The following PLS1 variants were observed in gnomAD, a reference collection of about 807,000 sequenced individuals.
PLS1 encodes plastin-1.
Under a neutral mutation model 73.7 loss-of-function variants are expected in PLS1, and 32 were observed. That is an observed-to-expected ratio of 0.43 (90% CI 0.33 to 0.58). PLS1 has a LOEUF of 0.58. Ranked by LOEUF, PLS1 falls within the 20% of genes least tolerant of loss-of-function variation. PLS1 has a pLI of 0.04. For missense variants in PLS1, 633 were observed against 740.5 expected, an observed-to-expected ratio of 0.85 and a Z score of 1.68; for synonymous variants, 217 against 261.3, an observed-to-expected ratio of 0.83 and a Z score of 1.63.
At chr3:142,678,352 A>G (rs907446379) in intron 6 of PLS1, among the ~76,000 whole-genome samples, 15 of 150,126 alleles carry the variant, frequency 1.0e-4, no homozygotes, top group Non-Finnish European at 1.9e-4. Context: ...TACATGTGCC[A>G]TGCTGGTGTG....
At chr3:142,645,774 C>T (rs2036940510) in intron 1 of PLS1, among the ~76,000 whole-genome samples, 1 of 152,092 alleles carries the variant, frequency 6.6e-6, no homozygotes, top group African/African-American at 2.4e-5. Context: ...GAACAAGGTA[C>T]TTTTTCAGAG....
chr3:142,712,006 A>C lies in PLS1; in HGVS notation c.1889A>C (p.Ter630SerextTer81). The C allele has an allele frequency of 1.2e-6, 2 of 1,612,324 alleles. No individual in the cohort carries two copies. Among genetic ancestry groups the C allele is most frequent in the Middle Eastern group, 1.7e-4 (1 of 6,060 alleles). ...LMGKGLNRIK[*>S] Reference sequence around the variant, plus strand: ...GGAAAAGGACTGAACAGAATAAAATAATCATTTCATATGATTTTCTGCCAC... The same window carrying C: ...GGAAAAGGACTGAACAGAATAAAATCATCATTTCATATGATTTTCTGCCAC... Residue 630 changes from the stop codon to serine, a stop_lost, in exon 16 of 16, where the codon TAA becomes TCA. Transcript: ENST00000457734.
intron 1 of PLS1, among the ~76,000 whole-genome samples, chr3:142,612,566 G>A (rs1319445987): frequency 6.6e-6 from 1 of 152,012 alleles, no homozygotes; most frequent in Non-Finnish European, 1.5e-5. Flanking sequence ...AAACACAACT[G>A]AAAGATTCCT....
At chr3:142,634,487 A>G (rs947806018) in intron 1 of PLS1, among the ~76,000 whole-genome samples, 4 of 152,222 alleles carry the variant, frequency 2.6e-5, no homozygotes, top group South Asian at 2.1e-4. Flanking sequence ...CTTGTATTCA[A>G]TTGAAGTCTT....
At chr3:142,665,658 C>T (rs1343168154) in intron 2 of PLS1, among the ~76,000 whole-genome samples, 1 of 151,960 alleles carries the variant, frequency 6.6e-6, no homozygotes, top group Non-Finnish European at 1.5e-5. Context: ...AAAGTTCTAC[C>T]CAGGTCTTGG....
intron 10 of PLS1, among the ~76,000 whole-genome samples, chr3:142,693,422 A>C (rs889157529): frequency 1.3e-5 from 2 of 152,200 alleles, no homozygotes; most frequent in African/African-American, 4.8e-5. Context: ...TTATGTGCCA[A>C]ATTGTCCTGT....
chr3:142,683,329 G>A (rs2049329), intron 6 of PLS1, among the ~76,000 whole-genome samples: 19,555 of 152,118 alleles, frequency 0.13, 1,266 homozygotes, highest in African/African-American at 0.16. Context: ...ATGGTGAAAC[G>A]CCATCTCTAC....
chr3:142,649,335 C>CA (rs3055060), intron 1 of PLS1, among the ~76,000 whole-genome samples: 4,907 of 93,436 alleles, frequency 0.053, 414 homozygotes, highest in African/African-American at 0.16. Context: ...GACCCTATGT[C>CA]AAAAAAAAAA....
intron 4 of PLS1, chr3:142,673,452 A>G (rs1262727952): frequency 6.6e-6 from 1 of 152,218 alleles, no homozygotes; most frequent in East Asian, 1.9e-4. Context: ...AAATAATGCT[A>G]TATGAACACT....
intron 1 of PLS1, among the ~76,000 whole-genome samples, chr3:142,662,812 C>T (rs2037399456): frequency 6.6e-6 from 1 of 152,096 alleles, no homozygotes; most frequent in African/African-American, 2.4e-5. Context: ...TGATGAACAA[C>T]ATGAAAACAT....
At chr3:142,605,098 G>C (rs957810157) in intron 1 of PLS1, among the ~76,000 whole-genome samples, 1 of 152,148 alleles carries the variant, frequency 6.6e-6, no homozygotes, top group African/African-American at 2.4e-5. Flanking sequence ...GTCAAAGTCT[G>C]TGATTCTGTT....
In PLS1 at chr3:142,672,776, A is replaced by G. The variant is rs34046178; in HGVS notation, c.364+1654A>G. Among the ~76,000 whole-genome samples, 1,436 of 152,348 alleles carry G rather than the reference A, an allele frequency of 9.4e-3. 10 individuals carry two copies. Among genetic ancestry groups the G allele is most frequent in the Admixed American group, 0.016 (251 of 15,310 alleles). On this transcript the variant is annotated intron_variant, in intron 4 of 15. Transcript: ENST00000457734. ...AAAAATAGCAGCTTTATTGAGATAT[A>G]ATTGACATACCATGGAATACATTTT... is the stretch of plus-strand genomic sequence containing the variant.
chr3:142,630,433 A>C lies in PLS1; in HGVS notation c.-36-33769A>C, dbSNP rs1339016263. ...GAGACCCTGCCTCAAAAAAAAAAAA[A>C]AAAAAAACAAACAAAACACTCTGAA... On this transcript the variant is annotated intron_variant, in intron 1 of 15. Transcript: ENST00000457734. 2.0e-3 allele frequency among the ~76,000 whole-genome samples: 296 copies of C among 150,948 alleles called. 1 individual carries two copies. The highest frequency in any genetic ancestry group is 6.9e-3 in the African/African-American group (284 of 41,086).
intron 1 of PLS1, among the ~76,000 whole-genome samples, chr3:142,599,390 C>T (rs181046608): frequency 3.5e-5 from 5 of 142,680 alleles, no homozygotes; most frequent in Non-Finnish European, 6.0e-5. Context: ...AGTGCAGTGG[C>T]GCAATCTCGG....
At chr3:142,600,228 A>G (rs1301191322) in intron 1 of PLS1, among the ~76,000 whole-genome samples, 1 of 152,108 alleles carries the variant, frequency 6.6e-6, no homozygotes, top group African/African-American at 2.4e-5. Flanking sequence ...CACAGTGAGG[A>G]GGGAGTGAGG....
At chr3:142,636,522 A>G (rs1394849234) in intron 1 of PLS1, among the ~76,000 whole-genome samples, 1 of 152,214 alleles carries the variant, frequency 6.6e-6, no homozygotes, top group East Asian at 1.9e-4. Context: ...TTTGGTAAAA[A>G]TTTCAAAGAT....
intron 1 of PLS1, among the ~76,000 whole-genome samples, chr3:142,616,203 TCCTGC>T (rs779781245): frequency 2.0e-5 from 3 of 152,138 alleles, no homozygotes; most frequent in Non-Finnish European, 4.4e-5. Flanking sequence ...CAACAGATAA[TCCTGC>T]CCTGTAGTCT....
At chr3:142,630,548 C>T (rs1226939640) in intron 1 of PLS1, among the ~76,000 whole-genome samples, 4 of 151,476 alleles carry the variant, frequency 2.6e-5, no homozygotes, top group East Asian at 1.9e-4. Context: ...GTCAGGAGTT[C>T]GAGACCAGCC....
chr3:142,707,740 A>G (rs1358781056), intron 14 of PLS1, among the ~76,000 whole-genome samples: 1 of 152,204 alleles, frequency 6.6e-6, no homozygotes, highest in Non-Finnish European at 1.5e-5. Context: ...AGTGCCCTCA[A>G]AGAGCTCACT....
Sources: gnomAD v4.1 joint callset for allele counts (sites outside exome capture counted in the v4.1 genomes callset) on GRCh38, gnomAD v4.1.1 for gene constraint, MANE v1.5 for transcripts, NCBI Gene and HGNC (gene_info 2026-07-23, HGNC 2026-07-21) for gene names.